The following PLXNA2 variants were observed in gnomAD, a reference collection of about 807,000 sequenced individuals.
PLXNA2 encodes plexin-A2.
In PLXNA2, 91 loss-of-function variants were observed where a neutral mutation model predicts 193.5. That is an observed-to-expected ratio of 0.47 (90% CI 0.40 to 0.56). The LOEUF is 0.56. Among genes scored for constraint, PLXNA2 ranks in the 20% least tolerant of loss-of-function variants. PLXNA2 has a pLI of 0.00. For synonymous variants in PLXNA2, 997 were observed against 1,027.3 expected (o/e 0.97, Z 0.56); for missense variants, 1,995 against 2,503.2 (o/e 0.80, Z 4.33).
chr1:208,049,067 A>C (rs1665167620), intron 17 of PLXNA2, among the ~76,000 whole-genome samples: 1 of 151,996 alleles, frequency 6.6e-6, no homozygotes, highest in Admixed American at 6.5e-5. Flanking sequence ...GCTGATCCTA[A>C]ACTTGCTTAC....
chr1:208,231,543 G>A (rs1389620474), intron 1 of PLXNA2, among the ~76,000 whole-genome samples: 1 of 152,194 alleles, frequency 6.6e-6, no homozygotes, highest in Non-Finnish European at 1.5e-5. Flanking sequence ...CCTCCCAGAT[G>A]CATTCCATGC....
intron 17 of PLXNA2, among the ~76,000 whole-genome samples, chr1:208,048,130 A>G (rs577174310): frequency 6.6e-6 from 1 of 152,216 alleles, no homozygotes; most frequent in African/African-American, 2.4e-5. Context: ...AGGCTCCTCT[A>G]TGAATAAGCA....
chr1:208,210,150 C>A, intron 3 of PLXNA2, 130 bp downstream of exon 3: 1 of 941,614 alleles, frequency 1.1e-6, no homozygotes, highest in Non-Finnish European at 1.7e-6. Context: ...CTTACCTCCC[C>A]ATTTCACCTT....
Position 208,026,951 on chromosome 1 carries a change from G to T in PLXNA2, c.*292C>A, listed in dbSNP as rs920788370. 2 of 305,404 alleles carry T rather than the reference G, an allele frequency of 6.5e-6. No individual in the cohort carries two copies. Among genetic ancestry groups the T allele is most frequent in the Non-Finnish European group, 6.1e-6 (1 of 162,922 alleles). 18.9% of individuals were successfully genotyped at this position (305,404 alleles called of 1,614,324 possible). The stretch of plus-strand genomic sequence containing the variant: ...TTCATGCAAAGCAGCAGTCACAGAG[G>T]CAGAACTGTCCCCAGCTCGTGCCTC... On this transcript the variant is annotated 3_prime_UTR_variant, in exon 32 of 32. Transcript: ENST00000367033.
rs774517573 is a variant in PLXNA2 at position 208,217,527 on chromosome 1, G to A, written c.396C>T (p.Leu132=). The change falls in exon 2 of 32, where the codon CTC becomes CTT. Residue 132 remains leucine (L), a synonymous_variant. Coordinates refer to ENST00000367033, the MANE Select transcript of PLXNA2 (RefSeq NM_025179.4). This position sits in a 1 kb window ranked among gnomAD's most constrained non-coding sequence, Gnocchi z 4.7. ...GCAGCAGCTTGCAGACCCCCTGGTA[G>A]AGGCTCCCACAGGCCAGCAGGCGGT... is the stretch of plus-strand genomic sequence containing the variant. ...SENRLLACGS[L]YQGVCKLLRL... is the part of the protein sequence containing the mutation. The A allele has an allele frequency of 2.5e-6, 4 of 1,614,232 alleles. No homozygotes were observed. Among genetic ancestry groups the A allele is most frequent in the Non-Finnish European group, 3.4e-6 (4 of 1,180,028 alleles).
chr1:208,113,263 G>A (rs1667542328), intron 4 of PLXNA2, among the ~76,000 whole-genome samples: 1 of 152,182 alleles, frequency 6.6e-6, no homozygotes, highest in Non-Finnish European at 1.5e-5. Context: ...GATGGCATGG[G>A]GTGGGGTGAT....
chr1:208,185,621 C>G (rs1214700189), intron 3 of PLXNA2, among the ~76,000 whole-genome samples: 1 of 150,088 alleles, frequency 6.7e-6, no homozygotes, highest in African/African-American at 2.5e-5. Context: ...AGCCCCCAAC[C>G]CCCTGGCAAC....
At chr1:208,143,343 G>C (rs961543794) in intron 3 of PLXNA2, among the ~76,000 whole-genome samples, 12 of 152,172 alleles carry the variant, frequency 7.9e-5, no homozygotes, top group African/African-American at 2.9e-4. Flanking sequence ...TGCACTGCGA[G>C]GCCCACCTCC....
chr1:208,194,460 C>CAAAAAAAAAAAAAAAAAAAAAA (rs10522096), intron 3 of PLXNA2, among the ~76,000 whole-genome samples: 2 of 93,988 alleles, frequency 2.1e-5, no homozygotes, highest in African/African-American at 3.8e-5. Flanking sequence ...CAGCTTACTG[C>CAAAAAAAAAAAAAAAAAAAAAA]AAAAAAAAAA....
intron 3 of PLXNA2, among the ~76,000 whole-genome samples, chr1:208,152,048 A>C (rs1412510419): frequency 6.6e-6 from 1 of 152,206 alleles, no homozygotes; most frequent in African/African-American, 2.4e-5. Context: ...TAAGAGGGTT[A>C]TTACTCTCTT....
intron 4 of PLXNA2, among the ~76,000 whole-genome samples, chr1:208,105,127 G>C (rs1220603164): frequency 6.6e-6 from 1 of 152,242 alleles, no homozygotes; most frequent in Non-Finnish European, 1.5e-5. Flanking sequence ...TGCCCTAGGA[G>C]AGGCGTTGCT....
intron 20 of PLXNA2, among the ~76,000 whole-genome samples, chr1:208,043,869 C>T (rs1664963089): frequency 6.6e-6 from 1 of 152,204 alleles, no homozygotes; most frequent in African/African-American, 2.4e-5. Context: ...GTTTTCATTC[C>T]TAATTGAGCT....
intron 4 of PLXNA2, among the ~76,000 whole-genome samples, chr1:208,136,882 C>A (rs1183279928): frequency 6.6e-6 from 1 of 152,128 alleles, no homozygotes; most frequent in Non-Finnish European, 1.5e-5. Flanking sequence ...TAATAATTAC[C>A]ACCACCTTTT....
At chr1:208,170,197 A>AT (rs570233873) in intron 3 of PLXNA2, among the ~76,000 whole-genome samples, 3 of 151,916 alleles carry the variant, frequency 2.0e-5, no homozygotes, top group East Asian at 1.9e-4. Context: ...AACTTGGAGG[A>AT]TTTTTTTTCT....
intron 3 of PLXNA2, among the ~76,000 whole-genome samples, chr1:208,172,026 T>TAA (rs112716826): frequency 0.34 from 45,706 of 134,928 alleles, 8,746 homozygotes; most frequent in Middle Eastern, 0.45. Flanking sequence ...GGTTTTGCCA[T>TAA]AAAAAAAAAA....
chr1:208,228,658 C>T (rs1225947122), intron 1 of PLXNA2, among the ~76,000 whole-genome samples: 2 of 152,190 alleles, frequency 1.3e-5, no homozygotes, highest in Non-Finnish European at 2.9e-5. Context: ...TGCTAAGCAC[C>T]CAAGTTCAAG....
rs1664209151 is a variant in PLXNA2, at chr1:208,022,392, T to C, written c.*4851A>G. On this transcript the variant is annotated 3_prime_UTR_variant, in exon 32 of 32. Coordinates refer to ENST00000367033, the MANE Select transcript of PLXNA2 (RefSeq NM_025179.4). Reference sequence around the variant, plus strand: ...ATTAGAATAACAAAAAACCCCACTTTATTGGAACATTTTAAATACTTAATT... The same window carrying C: ...ATTAGAATAACAAAAAACCCCACTTCATTGGAACATTTTAAATACTTAATT... 1 of 152,584 alleles carries C rather than the reference T, an allele frequency of 6.6e-6. No individual in the cohort carries two copies. The highest frequency in any genetic ancestry group is 2.1e-4 in the South Asian group (1 of 4,822). The allele number at this position is 152,584 out of a possible 1,614,324, so 9.5% of individuals were successfully genotyped here.
At chr1:208,172,053 T>A (rs1353527992) in intron 3 of PLXNA2, among the ~76,000 whole-genome samples, 1 of 144,312 alleles carries the variant, frequency 6.9e-6, no homozygotes, top group African/African-American at 2.5e-5. Context: ...AAACCCGCAA[T>A]TACTTCTGCA....
At chr1:208,034,650 G>A in intron 26 of PLXNA2, 58 bp from the exon 27 acceptor site, 1 of 1,052,928 alleles carries the variant, frequency 9.5e-7, no homozygotes, top group Non-Finnish European at 1.5e-6. Flanking sequence ...TTGGGAAGTT[G>A]GATAGTCAAG....
Sources: allele counts gnomAD v4.1 joint callset (sites outside exome capture counted in the v4.1 genomes callset), GRCh38; gene constraint gnomAD v4.1.1; non-coding constraint Gnocchi (gnomAD v3.1); transcripts MANE v1.5; gene names NCBI Gene and HGNC (gene_info 2026-07-23, HGNC 2026-07-21).